LRSAM1: variants seen among roughly 807,000 people sequenced by gnomAD.
LRSAM1 encodes E3 ubiquitin-protein ligase LRSAM1.
Under a neutral mutation model 118.1 loss-of-function variants are expected in LRSAM1, and 96 were observed. The ratio of observed to expected loss-of-function variants is 0.81; its 90% CI spans 0.69 to 0.96. The LOEUF is 0.96. Among genes scored for constraint, LRSAM1 ranks in the 40% least tolerant of loss-of-function variants. The pLI is 0.00. For synonymous variants in LRSAM1, 322 were observed against 364.2 expected, an observed-to-expected ratio of 0.88 and a Z score of 1.32; for missense variants, 804 against 915.5, an observed-to-expected ratio of 0.88 and a Z score of 1.57.
chr9:127,485,892 C>T, intron 17 of LRSAM1, 57 bp downstream of exon 17: 2 of 1,551,418 alleles, frequency 1.3e-6, no homozygotes, highest in Non-Finnish European at 1.8e-6. Flanking sequence ...GCTCAGGGCC[C>T]AAGACCGTGG....
chr9:127,457,574 A>C lies in LRSAM1; in HGVS notation c.252+181A>C, dbSNP rs573856964. ...TGGGCTGTGTGTGGGTTAGGGTGAC[A>C]AAGATGACCAGCCACAGGCCCTGTC... On this transcript the variant is annotated intron_variant, in intron 6 of 25. Transcript: ENST00000300417. 1.5e-3 allele frequency among the ~76,000 whole-genome samples: 226 copies of C among 152,346 alleles called. 1 individual carries two copies. Among genetic ancestry groups the C allele is most frequent in the African/African-American group, 5.1e-3 (213 of 41,574 alleles).
At position 127,485,775 on chromosome 9, in the gene LRSAM1, G is replaced by A. The variant is rs150344223; in HGVS notation, c.1199G>A (p.Arg400Gln). 1.3e-4 allele frequency: 211 copies of A among 1,614,014 alleles called. No individual in the cohort carries two copies. Among genetic ancestry groups the A allele is most frequent in the Non-Finnish European group, 1.7e-4 (196 of 1,180,030 alleles). ...ATGCTGACTGAGAGCTGTAAGAACC[G>A]GCTCATCCAGATGGCCTACGAATCT... ...QQMLTESCKN[R>Q]LIQMAYESQR... Residue 400 changes from arginine to glutamine, a missense_variant, in exon 17 of 26, where the codon CGG becomes CAG. Coordinates refer to ENST00000300417, the MANE Select transcript of LRSAM1 (RefSeq NM_001005373.4).
intron 10 of LRSAM1, among the ~76,000 whole-genome samples, chr9:127,472,842 C>T (rs1017560057): frequency 6.6e-6 from 1 of 152,142 alleles, no homozygotes; most frequent in Non-Finnish European, 1.5e-5. Flanking sequence ...GTAGCCATCC[C>T]TGTTGGAAGG....
At chr9:127,466,968 G>C (rs1402144188) in intron 9 of LRSAM1, among the ~76,000 whole-genome samples, 1 of 152,158 alleles carries the variant, frequency 6.6e-6, no homozygotes, top group African/African-American at 2.4e-5. Context: ...CTGCACTCCA[G>C]TCTGGGCAAT....
intron 11 of LRSAM1, among the ~76,000 whole-genome samples, chr9:127,476,708 C>T (rs1369994915): frequency 6.6e-6 from 1 of 152,130 alleles, no homozygotes; most frequent in Non-Finnish European, 1.5e-5. Context: ...GAGTCTCACT[C>T]TGTCACACTA....
At chr9:127,493,219 G>A (rs1835998767) in intron 21 of LRSAM1, among the ~76,000 whole-genome samples, 1 of 151,994 alleles carries the variant, frequency 6.6e-6, no homozygotes, top group East Asian at 1.9e-4. Context: ...GTGCCACCAT[G>A]CCTGGCAAAT....
At position 127,503,027 on chromosome 9, in the gene LRSAM1, GC is replaced by G; in HGVS notation, c.*131del. 7.9e-7 allele frequency: 1 copy of G among 1,259,688 alleles called. No individual in the cohort carries two copies. Among genetic ancestry groups the G allele is most frequent in the Non-Finnish European group, 1.1e-6 (1 of 900,356 alleles). 78.0% of individuals were successfully genotyped at this position (1,259,688 alleles called of 1,614,324 possible). A position where few individuals can be genotyped will look rare whatever the true frequency, so the allele number is the denominator to read the frequency against. On this transcript the variant is annotated 3_prime_UTR_variant, in exon 26 of 26. Transcript: ENST00000300417. ...CCCTGCCCTGGGCCCCTTCCCCACTGCCCAGGAGCCCCCATCCTAAGCTCCA... is the reference window on the plus strand; with the variant it reads ...CCCTGCCCTGGGCCCCTTCCCCACTGCCAGGAGCCCCCATCCTAAGCTCCA...
Position 127,487,801 on chromosome 9 carries a change from G to T in LRSAM1, c.1347+38G>T, listed in dbSNP as rs568770619. 11 of 1,588,788 alleles carry T rather than the reference G, an allele frequency of 6.9e-6. No homozygotes were observed. The African/African-American group carries it at 1.2e-4, about 17-fold the overall frequency. ...CCAGAGCCTGAGGGTGGGAGCTCAG[G>T]AGGGAGGTTCAGGAGCCAGGGCAGA... On this transcript the variant is annotated intron_variant, in intron 18 of 25. Coordinates refer to ENST00000300417, the MANE Select transcript of LRSAM1 (RefSeq NM_001005373.4).
At position 127,489,525 on chromosome 9, in the gene LRSAM1, G is replaced by A. The variant is rs769842908; in HGVS notation, c.1422+7G>A. The A allele has an allele frequency of 1.0e-5, 16 of 1,603,268 alleles. No homozygotes were observed. The highest frequency in any genetic ancestry group is 4.0e-5 in the African/African-American group (3 of 74,396). ...TCGGCAGATCAGGAGCCAGGTGAGC[G>A]CTGGGGCTGGGGTCCCTGGACCTGC... is the stretch of plus-strand genomic sequence containing the variant. On this transcript the variant is annotated splice_region_variant and intron_variant, in intron 19 of 25. Coordinates refer to ENST00000300417, the MANE Select transcript of LRSAM1 (RefSeq NM_001005373.4).
chr9:127,489,607 T>G, intron 19 of LRSAM1, 89 bp downstream of exon 19: 1 of 1,399,856 alleles, frequency 7.1e-7, no homozygotes, highest in East Asian at 2.5e-5. Flanking sequence ...CAGTTGAGGT[T>G]TGAACCCCAG....
intron 12 of LRSAM1, 68 bp downstream of exon 12, chr9:127,479,031 A>G: frequency 6.6e-7 from 1 of 1,511,182 alleles, no homozygotes; most frequent in Non-Finnish European, 9.2e-7. Flanking sequence ...CTCATAAAAT[A>G]TTTGAGAAAA....
chr9:127,477,314 T>C (rs1013601868), intron 11 of LRSAM1, among the ~76,000 whole-genome samples: 1 of 152,178 alleles, frequency 6.6e-6, no homozygotes, highest in Non-Finnish European at 1.5e-5. Context: ...ATTGAGATGT[T>C]ATCTGTATAA....
At chr9:127,462,474 C>A in intron 9 of LRSAM1, 101 bp downstream of exon 9, 1 of 1,576,362 alleles carries the variant, frequency 6.3e-7, no homozygotes, top group Non-Finnish European at 8.7e-7. Context: ...GGTACCAGGG[C>A]CACACAGAGA....
At chr9:127,485,641 T>C in intron 16 of LRSAM1, 95 bp from the exon 17 acceptor site, 3 of 1,138,206 alleles carry the variant, frequency 2.6e-6, no homozygotes, top group Non-Finnish European at 4.0e-6. Context: ...TCAAGGCCTG[T>C]TCCTCAGTTC....
chr9:127,485,628 G>T (rs1278613542), intron 16 of LRSAM1, 108 bp from the exon 17 acceptor site: 5 of 955,018 alleles, frequency 5.2e-6, no homozygotes, highest in African/African-American at 3.2e-5. Context: ...ACCAGGTGAG[G>T]CCTCAAGGCC....
At chr9:127,480,824 A>T (rs1835509145) in intron 14 of LRSAM1, among the ~76,000 whole-genome samples, 1 of 152,086 alleles carries the variant, frequency 6.6e-6, no homozygotes, top group Non-Finnish European at 1.5e-5. Flanking sequence ...AGGAGCTGGG[A>T]CTACAGGCTT....
chr9:127,487,403 G>T (rs1835772438), intron 17 of LRSAM1: 6 of 405,546 alleles, frequency 1.5e-5, no homozygotes, highest in South Asian at 1.0e-4. Flanking sequence ...CACTTCCGGG[G>T]GGTGCTGGGG....
Position 127,461,272 on chromosome 9 carries a change from G to A in LRSAM1, c.406+15G>A, listed in dbSNP as rs201808404. ...CAATGTTAAAGGTAGGGACCAAGAA[G>A]CCGTGTCCGTGTGACCCTCCATCAG... On this transcript the variant is annotated intron_variant, in intron 8 of 25. Coordinates refer to ENST00000300417, the MANE Select transcript of LRSAM1 (RefSeq NM_001005373.4). The A allele has an allele frequency of 1.1e-5, 18 of 1,607,558 alleles. No individual in the cohort carries two copies. In the South Asian group the frequency reaches 1.4e-4, roughly 13 times the overall value.
intron 7 of LRSAM1, among the ~76,000 whole-genome samples, chr9:127,460,847 CTTTTT>C (rs58140930): frequency 2.2e-4 from 17 of 77,428 alleles, no homozygotes; most frequent in Non-Finnish European, 3.6e-4. Context: ...CTGTTTCTTT[CTTTTT>C]TTTTTTTTTT....
Sources: allele counts gnomAD v4.1 joint callset (sites outside exome capture counted in the v4.1 genomes callset), GRCh38; gene constraint gnomAD v4.1.1; transcripts MANE v1.5; gene names NCBI Gene and HGNC (gene_info 2026-07-23, HGNC 2026-07-21).